CNTN2: variants seen among roughly 807,000 people sequenced by gnomAD.
CNTN2 encodes the protein contactin-2.
In CNTN2, 53 loss-of-function variants were observed where a neutral mutation model predicts 117.5. The ratio of observed to expected loss-of-function variants is 0.45; its 90% CI spans 0.36 to 0.57. The LOEUF (loss-of-function observed/expected upper bound fraction) is 0.57, where lower values mean the gene tolerates loss of function less well. CNTN2 is among the 20% of genes least tolerant of loss of function. The pLI, the probability that CNTN2 is intolerant of heterozygous loss-of-function variation, is 0.00. For missense variants in CNTN2, 1,106 were observed against 1,404.3 expected (o/e 0.79, Z 3.39); for synonymous variants, 530 against 561.7 (o/e 0.94, Z 0.80).
chr1:205,047,862 G>C (rs1205275541), intron 1 of CNTN2, among the ~76,000 whole-genome samples: 1 of 152,180 alleles, frequency 6.6e-6, no homozygotes, highest in Non-Finnish European at 1.5e-5. Flanking sequence ...AGCCCCATGG[G>C]GCGGGTCCTG....
rs761450210 is a variant in CNTN2, at chr1:205,059,638, A to G, written c.753A>G (p.Ala251=). The G allele has an allele frequency of 2.5e-6, 4 of 1,613,964 alleles. No individual in the cohort carries two copies. The highest frequency in any genetic ancestry group is 8.5e-7 in the Non-Finnish European group (1 of 1,180,004). Residue 251 remains alanine (A), a synonymous_variant, in exon 7 of 23, where the codon GCA becomes GCG. Coordinates refer to ENST00000331830, the MANE Select transcript of CNTN2 (RefSeq NM_005076.5). The surrounding 1 kb of genome is among the most constrained non-coding windows in gnomAD (Gnocchi z 5.6). ...IKARFPAETY[A]LVGQQVTLEC... ...CCCGGTTCCCAGCAGAGACCTATGCACTGGTGGGGCAGCAGGTCACCCTGG... is the reference window on the plus strand; with the variant it reads ...CCCGGTTCCCAGCAGAGACCTATGCGCTGGTGGGGCAGCAGGTCACCCTGG...
chr1:205,069,662 A>G, intron 17 of CNTN2, 101 bp downstream of exon 17: 2 of 1,450,666 alleles, frequency 1.4e-6, no homozygotes, highest in East Asian at 2.3e-5. Flanking sequence ...TCAAACGCGG[A>G]TAACTTCCTG....
Position 205,073,339 on chromosome 1 carries a change from A to G in CNTN2, c.3013+103A>G. On this transcript the variant is annotated intron_variant, in intron 22 of 22. Transcript: ENST00000331830. This position sits in a 1 kb window ranked among gnomAD's most constrained non-coding sequence, Gnocchi z 6.3. ...AGGCCAACTCCAATCTCTACCCGCA[A>G]AGGAAAGTGGAAGGCAGGCAGGAAC... 1 of 1,401,852 alleles carries G rather than the reference A, an allele frequency of 7.1e-7. No homozygotes were observed. 86.8% of individuals were successfully genotyped at this position (1,401,852 alleles called of 1,614,324 possible). A position where few individuals can be genotyped will look rare whatever the true frequency, so the allele number is the denominator to read the frequency against.
chr1:205,068,251 C>G (rs1223741318), intron 16 of CNTN2: 2 of 152,170 alleles, frequency 1.3e-5, no homozygotes, highest in African/African-American at 2.4e-5. Flanking sequence ...GAATGAGAGC[C>G]CGGGGATCCT....
chr1:205,062,532 C>A lies in CNTN2; in HGVS notation c.1203C>A (p.His401Gln). The A allele has an allele frequency of 6.2e-7, 1 of 1,614,072 alleles. No individual in the cohort carries two copies. Among genetic ancestry groups the A allele is most frequent in the Non-Finnish European group, 8.5e-7 (1 of 1,179,968 alleles). Residue 401 changes from histidine to glutamine, a missense_variant, in exon 10 of 23, where the codon CAC (histidine) becomes CAA (glutamine). Transcript: ENST00000331830. ...GMYQCVAENK[H>Q]GTIYASAELA... ...ACCAGTGTGTGGCAGAGAATAAGCACGGTACCATCTACGCCAGCGCCGAGC... is the reference window on the plus strand; with the variant it reads ...ACCAGTGTGTGGCAGAGAATAAGCAAGGTACCATCTACGCCAGCGCCGAGC...
intron 9 of CNTN2, 196 bp from the exon 10 acceptor site, chr1:205,062,244 A>C (rs1654030177): frequency 1.2e-6 from 1 of 855,828 alleles, no homozygotes; most frequent in Non-Finnish European, 1.7e-6. Flanking sequence ...GGGTCACCTC[A>C]CCCTTCCAGC....
chr1:205,071,936 G>A lies in CNTN2; in HGVS notation c.2545-11G>A, dbSNP rs774224793. 9.3e-6 allele frequency: 15 copies of A among 1,604,678 alleles called. No individual in the cohort carries two copies. The highest frequency in any genetic ancestry group is 4.5e-5 in the East Asian group (2 of 44,734). On this transcript the variant is annotated splice_polypyrimidine_tract_variant and intron_variant, in intron 19 of 22. Transcript: ENST00000331830. Reference sequence around the variant, plus strand: ...TGACTACTACCCCTTGGGTACCCCCGCCTCCTTCAGATCCGCTACTGGAAA... The same window carrying A: ...TGACTACTACCCCTTGGGTACCCCCACCTCCTTCAGATCCGCTACTGGAAA...
intron 1 of CNTN2, among the ~76,000 whole-genome samples, chr1:205,047,235 T>A (rs1036543845): frequency 2.0e-5 from 3 of 152,028 alleles, no homozygotes; most frequent in Admixed American, 2.0e-4. Flanking sequence ...TAAGGATGTC[T>A]CCAGCTCAGG....
chr1:205,070,995 CAA>C (rs34606956), intron 19 of CNTN2: 25 of 98,778 alleles, frequency 2.5e-4, no homozygotes, highest in Non-Finnish European at 3.5e-4. Flanking sequence ...GACTCCATCT[CAA>C]AAAAAAAAAA....
intron 2 of CNTN2, among the ~76,000 whole-genome samples, chr1:205,055,332 C>T (rs2096459314): frequency 6.6e-6 from 1 of 152,152 alleles, no homozygotes; most frequent in Non-Finnish European, 1.5e-5. Flanking sequence ...TAAGCACACA[C>T]ACGGGGAGGC....
Position 205,073,872 on chromosome 1 carries a change from G to T in CNTN2, c.*107G>T. 1 of 842,454 alleles carries T rather than the reference G, an allele frequency of 1.2e-6. No individual in the cohort carries two copies. Among genetic ancestry groups the T allele is most frequent in the Non-Finnish European group, 1.9e-6 (1 of 517,342 alleles). The allele number at this position is 842,454 out of a possible 1,614,324, so 52.2% of individuals were successfully genotyped here. On this transcript the variant is annotated 3_prime_UTR_variant, in exon 23 of 23. Coordinates refer to ENST00000331830, the MANE Select transcript of CNTN2 (RefSeq NM_005076.5). The surrounding 1 kb of genome is among the most constrained non-coding windows in gnomAD (Gnocchi z 6.3). ...CTGACACTGTGCCAGAGAGTGGCTG[G>T]TTTTAAATACCTACTTTAAACAGTG... is the stretch of plus-strand genomic sequence containing the variant.
rs1574642511 is a variant in CNTN2 at position 205,058,764 on chromosome 1, C to T, written c.487+101C>T. On this transcript the variant is annotated intron_variant, in intron 5 of 22. Coordinates refer to ENST00000331830, the MANE Select transcript of CNTN2 (RefSeq NM_005076.5). The surrounding 1 kb of genome is among the most constrained non-coding windows in gnomAD (Gnocchi z 4.3). Reference sequence around the variant, plus strand: ...ATAAAAGGAGACCCCTGGAAATGACCCTTAGAAGCACCCATCCCTGGGACC... The same window carrying T: ...ATAAAAGGAGACCCCTGGAAATGACTCTTAGAAGCACCCATCCCTGGGACC... 1 of 886,980 alleles carries T rather than the reference C, an allele frequency of 1.1e-6. No homozygotes were observed. The highest frequency in any genetic ancestry group is 2.7e-5 in the East Asian group (1 of 37,562). The allele number at this position is 886,980 out of a possible 1,614,324, so 54.9% of individuals were successfully genotyped here. A position where few individuals can be genotyped will look rare whatever the true frequency, so the allele number is the denominator to read the frequency against.
Position 205,066,722 on chromosome 1 carries a change from G to T in CNTN2, c.1975+123G>T. The T allele has an allele frequency of 7.0e-6, 8 of 1,139,846 alleles. 1 individual carries two copies. In the South Asian group the frequency reaches 1.2e-4, roughly 18 times the overall value. The allele number at this position is 1,139,846 out of a possible 1,614,324, so 70.6% of individuals were successfully genotyped here. A position where few individuals can be genotyped will look rare whatever the true frequency, so the allele number is the denominator to read the frequency against. On this transcript the variant is annotated intron_variant, in intron 15 of 22. Coordinates refer to ENST00000331830, the MANE Select transcript of CNTN2 (RefSeq NM_005076.5). The stretch of plus-strand genomic sequence containing the variant: ...GGCTGAGCCTGGAGCTTCAAAGAGG[G>T]ACAAGATCTGTCCTCTGCCAGCAGA...
chr1:205,043,958 C>T (rs1383435791), intron 1 of CNTN2, among the ~76,000 whole-genome samples: 1 of 152,136 alleles, frequency 6.6e-6, no homozygotes, highest in Non-Finnish European at 1.5e-5. Context: ...GGGCAAGGGC[C>T]TGTCCAGGAA....
In CNTN2 at chr1:205,070,412, G is replaced by T. The variant is rs1654531261; in HGVS notation, c.2432-14G>T. 6.3e-7 allele frequency: 1 copy of T among 1,591,150 alleles called. No individual in the cohort carries two copies. Among genetic ancestry groups the T allele is most frequent in the Non-Finnish European group, 8.6e-7 (1 of 1,160,998 alleles). Reference sequence around the variant, plus strand: ...GGCCCTGGGAATCCAAACCCATTCTGTATTGGTCCCCAGAGCCCAGGGTGG... The same window carrying T: ...GGCCCTGGGAATCCAAACCCATTCTTTATTGGTCCCCAGAGCCCAGGGTGG... On this transcript the variant is annotated splice_polypyrimidine_tract_variant and intron_variant, in intron 18 of 22. Transcript: ENST00000331830.
rs1291034835 is a variant in CNTN2, at chr1:205,043,332, G to T, written c.-149G>T. On this transcript the variant is annotated 5_prime_UTR_variant, in exon 1 of 23. Coordinates refer to ENST00000331830, the MANE Select transcript of CNTN2 (RefSeq NM_005076.5). ...CAGACAGGGGCTGGCGGCCCGGCCGGCCCCGGCTCACCGACTCGGGCAGCA... is the reference window on the plus strand; with the variant it reads ...CAGACAGGGGCTGGCGGCCCGGCCGTCCCCGGCTCACCGACTCGGGCAGCA... 1.3e-5 allele frequency: 2 copies of T among 152,398 alleles called. No homozygotes were observed. The highest frequency in any genetic ancestry group is 2.9e-5 in the Non-Finnish European group (2 of 68,166). 9.4% of individuals were successfully genotyped at this position (152,398 alleles called of 1,614,324 possible).
Position 205,073,254 on chromosome 1 carries a change from C to T in CNTN2, c.3013+18C>T. 1.2e-6 allele frequency: 2 copies of T among 1,612,144 alleles called. No individual in the cohort carries two copies. The highest frequency in any genetic ancestry group is 1.7e-6 in the Non-Finnish European group (2 of 1,178,874). On this transcript the variant is annotated intron_variant, in intron 22 of 22. Transcript: ENST00000331830. The surrounding 1 kb of genome is among the most constrained non-coding windows in gnomAD (Gnocchi z 6.3). ...GAATGGAGGTGCTGCTCCTCCCCTA[C>T]CCTTATCCCCTCGAGAGATTCAGGA...
In CNTN2 at chr1:205,058,123, C is replaced by T. The variant is rs2151189178; in HGVS notation, c.215+58C>T. Reference sequence around the variant, plus strand: ...TGGGCAGCCGTTGAACTTTCCCTCTCATCAGCCCTGCCACCAGGCAGGACT... The same window carrying T: ...TGGGCAGCCGTTGAACTTTCCCTCTTATCAGCCCTGCCACCAGGCAGGACT... On this transcript the variant is annotated intron_variant, in intron 3 of 22. Coordinates refer to ENST00000331830, the MANE Select transcript of CNTN2 (RefSeq NM_005076.5). This position sits in a 1 kb window ranked among gnomAD's most constrained non-coding sequence, Gnocchi z 4.3. The T allele has an allele frequency of 1.9e-6, 3 of 1,601,010 alleles. No homozygotes were observed. The highest frequency in any genetic ancestry group is 2.3e-5 in the East Asian group (1 of 44,436).
chr1:205,053,441 A>G (rs2096456232), intron 2 of CNTN2, among the ~76,000 whole-genome samples, 186 bp downstream of exon 2: 1 of 152,184 alleles, frequency 6.6e-6, no homozygotes. Flanking sequence ...GTTTAGGAGG[A>G]GAGGGAATAT....
Sources: allele counts gnomAD v4.1 joint callset (sites outside exome capture counted in the v4.1 genomes callset), GRCh38; gene constraint gnomAD v4.1.1; non-coding constraint Gnocchi (gnomAD v3.1); transcripts MANE v1.5; gene names NCBI Gene and HGNC (gene_info 2026-07-23, HGNC 2026-07-21).